The following VPS41 variants were observed in gnomAD, a reference collection of about 807,000 sequenced individuals.
VPS41 encodes vacuolar protein sorting-associated protein 41 homolog.
Under a neutral mutation model 130.9 loss-of-function variants are expected in VPS41, and 85 were observed. The observed-to-expected ratio is 0.65, with a 90% CI of 0.55 to 0.78. VPS41 has a LOEUF of 0.78. Ranked by LOEUF, VPS41 falls within the 30% of genes least tolerant of loss-of-function variation. VPS41 has a pLI of 0.00. For missense variants in VPS41, 874 were observed against 1,018.7 expected, an observed-to-expected ratio of 0.86 and a Z score of 1.93; for synonymous variants, 335 against 332.9, an observed-to-expected ratio of 1.01 and a Z score of -0.07.
At chr7:38,832,568 G>T (rs906556715) in intron 4 of VPS41, among the ~76,000 whole-genome samples, 1 of 151,718 alleles carries the variant, frequency 6.6e-6, no homozygotes, top group Non-Finnish European at 1.5e-5. Flanking sequence ...ATTATAGAGG[G>T]TGTACATAGT....
At chr7:38,887,323 G>A (rs1019121369) in intron 2 of VPS41, among the ~76,000 whole-genome samples, 1 of 152,180 alleles carries the variant, frequency 6.6e-6, no homozygotes, top group Admixed American at 6.5e-5. Context: ...ACAGTGTAGA[G>A]AAGAGCTTAA....
intron 10 of VPS41, among the ~76,000 whole-genome samples, chr7:38,787,895 A>G (rs1233106585): frequency 6.6e-6 from 1 of 152,208 alleles, no homozygotes; most frequent in Admixed American, 6.5e-5. Flanking sequence ...CCATAGTAGT[A>G]AAATGTCAGT....
chr7:38,787,725 C>T (rs1784465404), intron 10 of VPS41, among the ~76,000 whole-genome samples: 1 of 152,138 alleles, frequency 6.6e-6, no homozygotes, highest in African/African-American at 2.4e-5. Context: ...TCACACTATT[C>T]AGGGCTAAAG....
intron 13 of VPS41, among the ~76,000 whole-genome samples, chr7:38,771,527 C>A (rs1271447658): frequency 6.6e-6 from 1 of 152,154 alleles, no homozygotes; most frequent in Non-Finnish European, 1.5e-5. Flanking sequence ...CATTTGAATT[C>A]ATTTCCTCAT....
At chr7:38,862,074 G>T (rs943742754) in intron 4 of VPS41, among the ~76,000 whole-genome samples, 1 of 152,154 alleles carries the variant, frequency 6.6e-6, no homozygotes, top group African/African-American at 2.4e-5. Flanking sequence ...AAATGAGGGA[G>T]TTCATACTTT....
chr7:38,873,725 C>T (rs1399288032), intron 2 of VPS41, among the ~76,000 whole-genome samples: 1 of 152,112 alleles, frequency 6.6e-6, no homozygotes, highest in Admixed American at 6.5e-5. Context: ...AGAATCAATT[C>T]CTCAACTCAC....
intron 7 of VPS41, among the ~76,000 whole-genome samples, chr7:38,809,320 T>C (rs904131471): frequency 2.0e-5 from 3 of 148,376 alleles, no homozygotes; most frequent in African/African-American, 4.9e-5. Flanking sequence ...CCGTCTCTAC[T>C]AAAAATACAA....
Position 38,754,910 on chromosome 7 carries a change from A to G in VPS41, c.1722T>C (p.Asn574=), listed in dbSNP as rs144057780. The change falls in exon 20 of 29, where the codon AAT becomes AAC. Residue 574 remains asparagine, a synonymous_variant. Coordinates refer to ENST00000310301, the MANE Select transcript of VPS41 (RefSeq NM_014396.4). The part of the protein sequence containing the change: ...SEKAVDMLLD[N]EDKISIKKVV... ...TGACACTCACTGAAATTTTATCTTC[A>G]TTGTCCAAAAGCATGTCAACAGCTT... The G allele has an allele frequency of 1.2e-5, 20 of 1,613,616 alleles. No homozygotes were observed. Among genetic ancestry groups the G allele is most frequent in the African/African-American group, 6.7e-5 (5 of 74,926 alleles).
At chr7:38,744,715 C>T (rs889527215) in intron 23 of VPS41, among the ~76,000 whole-genome samples, 1 of 152,074 alleles carries the variant, frequency 6.6e-6, no homozygotes, top group Non-Finnish European at 1.5e-5. Flanking sequence ...AAATGCAGCC[C>T]CAAAAGCACT....
At chr7:38,752,081 A>G in intron 22 of VPS41, 95 bp downstream of exon 22, 3 of 1,538,434 alleles carry the variant, frequency 2.0e-6, no homozygotes, top group Non-Finnish European at 2.7e-6. Flanking sequence ...AAAGGGACAG[A>G]TGAACAGAGA....
chr7:38,908,220 T>A (rs953413231), intron 1 of VPS41, among the ~76,000 whole-genome samples: 1 of 152,168 alleles, frequency 6.6e-6, no homozygotes, highest in Non-Finnish European at 1.5e-5. Flanking sequence ...TGTTAACTTG[T>A]GAAGAAAAAC....
intron 21 of VPS41, among the ~76,000 whole-genome samples, chr7:38,753,845 C>T (rs1485891327): frequency 2.0e-5 from 3 of 152,106 alleles, no homozygotes; most frequent in Non-Finnish European, 4.4e-5. Flanking sequence ...CATTCCCTTC[C>T]TGCAGTCTTC....
chr7:38,799,398 C>T (rs1188456901), intron 7 of VPS41, among the ~76,000 whole-genome samples: 3 of 151,928 alleles, frequency 2.0e-5, no homozygotes, highest in Non-Finnish European at 4.4e-5. Flanking sequence ...CATATGGTAA[C>T]CAGAGTACTT....
intron 25 of VPS41, among the ~76,000 whole-genome samples, chr7:38,737,869 C>A (rs1463448506): frequency 6.6e-6 from 1 of 152,192 alleles, no homozygotes; most frequent in Non-Finnish European, 1.5e-5. Flanking sequence ...GTAGAGAAAC[C>A]TAACTAGGCA....
Position 38,752,299 on chromosome 7 carries a change from A to G in VPS41, c.1803T>C (p.Leu601=). 6.2e-7 allele frequency: 1 copy of G among 1,613,776 alleles called. No individual in the cohort carries two copies. The highest frequency in any genetic ancestry group is 8.5e-7 in the Non-Finnish European group (1 of 1,179,788). ...PELQHVYLHK[L]FKRDHHKGQR... is the part of the protein sequence containing the mutation. ...GCCCCTTATGGTGGTCTCTCTTGAA[A>G]AGCTTATGCAAATACTAAAAGGAAC... The change falls in exon 22 of 29, where the codon CTT becomes CTC. Residue 601 remains leucine (L), a synonymous_variant. Transcript: ENST00000310301.
chr7:38,843,630 C>T (rs1430784862), intron 4 of VPS41, among the ~76,000 whole-genome samples: 3 of 150,444 alleles, frequency 2.0e-5, no homozygotes, highest in Admixed American at 6.6e-5. Flanking sequence ...TTTAGTGAGC[C>T]GAGATAGCAC....
At chr7:38,848,835 A>C (rs1353548992) in intron 4 of VPS41, among the ~76,000 whole-genome samples, 2 of 152,130 alleles carry the variant, frequency 1.3e-5, no homozygotes, top group Admixed American at 1.3e-4. Context: ...TTCTCTAATC[A>C]TTATATCACC....
chr7:38,817,008 T>C (rs538410013), intron 7 of VPS41, among the ~76,000 whole-genome samples: 2 of 152,306 alleles, frequency 1.3e-5, no homozygotes, highest in Admixed American at 6.5e-5. Context: ...TCCCAAAATG[T>C]TGGAATCATA....
Position 38,758,290 on chromosome 7 carries a change from C to T in VPS41, c.1550+64G>A, listed in dbSNP as rs1344406211. On this transcript the variant is annotated intron_variant, in intron 18 of 28. Coordinates refer to ENST00000310301, the MANE Select transcript of VPS41 (RefSeq NM_014396.4). ...CTTCTCCACTTGGAGTTTGCCAAAT[C>T]TAAAGTATGAAAAACTTTTCAACAC... 5 of 1,481,568 alleles carry T rather than the reference C, an allele frequency of 3.4e-6. No homozygotes were observed. In the African/African-American group the frequency reaches 5.6e-5, roughly 17 times the overall value. The allele number at this position is 1,481,568 out of a possible 1,614,324, so 91.8% of individuals were successfully genotyped here.
Sources: gnomAD v4.1 joint callset for allele counts (sites outside exome capture counted in the v4.1 genomes callset) on GRCh38, gnomAD v4.1.1 for gene constraint, MANE v1.5 for transcripts, NCBI Gene and HGNC (gene_info 2026-07-23, HGNC 2026-07-21) for gene names.